Variants in SPAG16 observed in about 807,000 individuals in gnomAD.
The protein encoded by SPAG16 is sperm-associated antigen 16 protein.
In SPAG16, 86 loss-of-function variants were observed where a neutral mutation model predicts 80.4. The observed-to-expected ratio is 1.07, with a 90% CI of 0.90 to 1.28. The LOEUF (loss-of-function observed/expected upper bound fraction) is 1.28, where lower values mean the gene tolerates loss of function less well. Among genes scored for constraint, SPAG16 ranks in the 50% most tolerant of loss-of-function variants. The pLI is 0.00. For missense variants in SPAG16, 870 were observed against 765.3 expected, an observed-to-expected ratio of 1.14 and a Z score of -1.61; for synonymous variants, 294 against 265.9, an observed-to-expected ratio of 1.11 and a Z score of -1.03.
Position 213,310,091 on chromosome 2 carries a change from A to G in SPAG16, c.312A>G (p.Ala104=). 6.2e-7 allele frequency: 1 copy of G among 1,610,808 alleles called. No individual in the cohort carries two copies. ...ERKTVLPSKH[A]VPEVIEDFLC... ...AAACAGTTCTTCCTTCAAAGCATGC[A>G]GTACCTGAAGTAATAGAAGACTTTC... The change falls in exon 4 of 16, where the codon GCA becomes GCG. Residue 104 remains alanine (A), a synonymous_variant. Coordinates refer to ENST00000331683, the MANE Select transcript of SPAG16 (RefSeq NM_024532.5).
intron 9 of SPAG16, among the ~76,000 whole-genome samples, chr2:213,434,977 A>G (rs2070538089): frequency 6.6e-6 from 1 of 152,208 alleles, no homozygotes; most frequent in African/African-American, 2.4e-5. Context: ...CCAAAAGAAA[A>G]GAAATTATCA....
chr2:213,785,725 A>G (rs1240707469), intron 10 of SPAG16, among the ~76,000 whole-genome samples: 1 of 152,156 alleles, frequency 6.6e-6, no homozygotes, highest in Non-Finnish European at 1.5e-5. Context: ...CTATTCTTCA[A>G]AAGAAGTTTA....
chr2:213,904,694 T>C (rs900082895), intron 11 of SPAG16, among the ~76,000 whole-genome samples: 9 of 152,018 alleles, frequency 5.9e-5, no homozygotes, highest in Admixed American at 3.3e-4. Flanking sequence ...TGATGTGTCT[T>C]TCTGTAAAGG....
At chr2:214,116,136 C>G (rs1169718132) in intron 14 of SPAG16, among the ~76,000 whole-genome samples, 1 of 152,182 alleles carries the variant, frequency 6.6e-6, no homozygotes, top group Non-Finnish European at 1.5e-5. Flanking sequence ...CTTGTTTGGC[C>G]TTAAACCTGT....
At chr2:213,966,231 G>C (rs955465229) in intron 12 of SPAG16, among the ~76,000 whole-genome samples, 37 of 152,260 alleles carry the variant, frequency 2.4e-4, no homozygotes, top group African/African-American at 8.7e-4. Context: ...TGAGGGGTCT[G>C]AGAACAATTG....
chr2:214,126,622 A>G (rs1033283199), intron 14 of SPAG16, among the ~76,000 whole-genome samples: 7 of 151,826 alleles, frequency 4.6e-5, no homozygotes, highest in African/African-American at 1.7e-4. Context: ...TATCCCAGCA[A>G]TGTTATTGCA....
chr2:213,735,393 A>G (rs2067237652), intron 10 of SPAG16, among the ~76,000 whole-genome samples: 1 of 152,200 alleles, frequency 6.6e-6, no homozygotes, highest in African/African-American at 2.4e-5. Context: ...CAAATGCAGG[A>G]TGTTTCAAAT....
chr2:214,330,723 C>A (rs541323010), intron 15 of SPAG16, among the ~76,000 whole-genome samples: 2 of 152,322 alleles, frequency 1.3e-5, no homozygotes, highest in East Asian at 3.9e-4. Flanking sequence ...AAGGTAACTT[C>A]TTTCAGCTGA....
chr2:213,613,187 A>C (rs2061493089), intron 10 of SPAG16, among the ~76,000 whole-genome samples: 1 of 152,186 alleles, frequency 6.6e-6, no homozygotes, highest in Admixed American at 6.5e-5. Flanking sequence ...TTGCCTGCTT[A>C]TCCCTGTGTT....
chr2:213,513,271 A>G (rs1221260634), intron 10 of SPAG16, among the ~76,000 whole-genome samples: 2 of 152,202 alleles, frequency 1.3e-5, no homozygotes, highest in African/African-American at 4.8e-5. Context: ...TAACGTGGTC[A>G]TACACTGTGG....
intron 10 of SPAG16, among the ~76,000 whole-genome samples, chr2:213,644,994 T>G (rs1166559708): frequency 6.6e-6 from 1 of 152,226 alleles, no homozygotes; most frequent in African/African-American, 2.4e-5. Flanking sequence ...TCCAGGAGTC[T>G]GGGACTAGAG....
rs116896813 is a variant in SPAG16, at chr2:213,859,449, G to A, written c.1071-3036G>A. Among the ~76,000 whole-genome samples the A allele has an allele frequency of 5.3e-3, 799 of 152,050 alleles. 14 individuals are homozygous for A. The highest frequency in any genetic ancestry group is 0.04 in the East Asian group (209 of 5,162). Reference sequence around the variant, plus strand: ...CCCTCTAACACTATTGTGTCTGGTGGTACCCAGCTCTGATACAATACACTG... The same window carrying A: ...CCCTCTAACACTATTGTGTCTGGTGATACCCAGCTCTGATACAATACACTG... On this transcript the variant is annotated intron_variant, in intron 10 of 15. Transcript: ENST00000331683.
chr2:213,559,504 A>G (rs1483150775), intron 10 of SPAG16, among the ~76,000 whole-genome samples: 2 of 152,180 alleles, frequency 1.3e-5, no homozygotes, highest in Non-Finnish European at 2.9e-5. Context: ...TGCTTATCTA[A>G]CTTACCTACA....
intron 10 of SPAG16, among the ~76,000 whole-genome samples, chr2:213,497,294 A>G (rs1163767735): frequency 6.6e-6 from 1 of 152,154 alleles, no homozygotes; most frequent in Non-Finnish European, 1.5e-5. Flanking sequence ...ATGAATAAAT[A>G]CATTATCTAA....
intron 15 of SPAG16, among the ~76,000 whole-genome samples, chr2:214,330,096 A>G (rs1696800940): frequency 1.4e-5 from 2 of 143,096 alleles, no homozygotes; most frequent in South Asian, 4.8e-4. Context: ...ATGAAACCCT[A>G]TCTCTACCAA....
intron 10 of SPAG16, among the ~76,000 whole-genome samples, chr2:213,718,355 C>T (rs1056730356): frequency 1.3e-5 from 2 of 152,188 alleles, no homozygotes; most frequent in Non-Finnish European, 2.9e-5. Flanking sequence ...CGCTTGCTCT[C>T]GGCACCCCCC....
chr2:214,349,126 C>T (rs970984401), intron 15 of SPAG16, among the ~76,000 whole-genome samples: 1 of 152,134 alleles, frequency 6.6e-6, no homozygotes, highest in Non-Finnish European at 1.5e-5. Context: ...TTTTGCATGG[C>T]ACCTACCTGC....
chr2:213,926,918 C>G (rs1352304758), intron 11 of SPAG16, among the ~76,000 whole-genome samples: 1 of 152,150 alleles, frequency 6.6e-6, no homozygotes, highest in African/African-American at 2.4e-5. Context: ...CAGCGTGGAT[C>G]TACATTATTA....
rs1263401963 is a variant in SPAG16, at chr2:213,498,514, T to C, written c.1070+8424T>C. 2.0e-5 allele frequency among the ~76,000 whole-genome samples: 3 copies of C among 152,180 alleles called. No homozygotes were observed. In the East Asian group the frequency reaches 5.8e-4, roughly 29 times the overall value. ...AAAGTAATAAAACTTTTATTAGATT[T>C]ATACACCAAACATATAAAACAATAT... On this transcript the variant is annotated intron_variant, in intron 10 of 15. Coordinates refer to ENST00000331683, the MANE Select transcript of SPAG16 (RefSeq NM_024532.5).
Sources: allele counts gnomAD v4.1 joint callset (sites outside exome capture counted in the v4.1 genomes callset), GRCh38; gene constraint gnomAD v4.1.1; transcripts MANE v1.5; gene names NCBI Gene and HGNC (gene_info 2026-07-23, HGNC 2026-07-21).